The following DGKB variants were observed in gnomAD, a reference collection of about 807,000 sequenced individuals.
DGKB encodes the protein diacylglycerol kinase beta.
Under a neutral mutation model 114.3 loss-of-function variants are expected in DGKB, and 67 were observed. That is an observed-to-expected ratio of 0.59 (90% CI 0.48 to 0.72). The LOEUF (loss-of-function observed/expected upper bound fraction) is 0.72, where lower values mean the gene tolerates loss of function less well. DGKB is among the 30% of genes least tolerant of loss of function. DGKB has a pLI of 0.00. For missense variants in DGKB, 907 were observed against 975.2 expected (o/e 0.93, Z 0.93); for synonymous variants, 398 against 323.1 (o/e 1.23, Z -2.49).
At chr7:14,661,126 T>C (rs1247894784) in intron 13 of DGKB, among the ~76,000 whole-genome samples, 6 of 152,190 alleles carry the variant, frequency 3.9e-5, no homozygotes, top group Admixed American at 3.9e-4. Flanking sequence ...GGCTTTACCA[T>C]TCGGGACATA....
intron 1 of DGKB, among the ~76,000 whole-genome samples, chr7:14,856,792 G>A (rs1850214819): frequency 6.6e-6 from 1 of 152,014 alleles, no homozygotes. Context: ...ACATTATTAT[G>A]CATTGTATTA....
At position 14,583,053 on chromosome 7, in the gene DGKB, T is replaced by C; in HGVS notation, c.1518A>G (p.Ile506Met). Residue 506 changes from isoleucine (I) to methionine (M), a missense_variant and splice_region_variant, in exon 18 of 26, where the codon ATA becomes ATG. Physicochemically the swap from Ile to Met is conservative, Grantham distance 10 (BLOSUM62 1). Coordinates refer to ENST00000402815, the MANE Select transcript of DGKB (RefSeq NM_001350709.2). ...DGTVGWVLDC[I>M]EKANVGKHPP... ...ATATTAAGTATGTGTCTGCATTACC[T>C]ATGCAATCCAAAACCCAGCCCACGG... 6.2e-7 allele frequency: 1 copy of C among 1,602,372 alleles called. No homozygotes were observed.
intron 23 of DGKB, among the ~76,000 whole-genome samples, chr7:14,243,370 G>A (rs964402504): frequency 6.6e-6 from 1 of 152,134 alleles, no homozygotes; most frequent in African/African-American, 2.4e-5. Flanking sequence ...AAGACAGTGA[G>A]TAAGTGATAA....
intron 20 of DGKB, among the ~76,000 whole-genome samples, chr7:14,503,552 C>A (rs1786542520): frequency 6.6e-6 from 1 of 151,958 alleles, no homozygotes; most frequent in Admixed American, 6.6e-5. Flanking sequence ...AGATTCTTAT[C>A]TTTTTATGGA....
At chr7:14,922,600 A>T (rs1364608083) in intron 1 of DGKB, among the ~76,000 whole-genome samples, 1 of 152,084 alleles carries the variant, frequency 6.6e-6, no homozygotes, top group Non-Finnish European at 1.5e-5. Flanking sequence ...GCAGAAGCAT[A>T]TATACTTGCT....
At chr7:14,287,832 C>T (rs953392738) in intron 23 of DGKB, among the ~76,000 whole-genome samples, 2 of 152,128 alleles carry the variant, frequency 1.3e-5, no homozygotes, top group Non-Finnish European at 2.9e-5. Flanking sequence ...GACATTTTAA[C>T]AATTTTAATT....
chr7:14,655,145 CT>C (rs964430078), intron 13 of DGKB, among the ~76,000 whole-genome samples: 1 of 151,752 alleles, frequency 6.6e-6, no homozygotes, highest in African/African-American at 2.4e-5. Flanking sequence ...TGACAAGGGC[CT>C]TTTACCTAGA....
chr7:14,278,889 G>A (rs924365610), intron 23 of DGKB, among the ~76,000 whole-genome samples: 16 of 152,154 alleles, frequency 1.1e-4, no homozygotes, highest in African/African-American at 3.1e-4. Flanking sequence ...CAAGACGGCC[G>A]AATAGGAACA....
intron 1 of DGKB, among the ~76,000 whole-genome samples, chr7:14,951,632 A>G (rs1786205190): frequency 6.6e-6 from 1 of 152,034 alleles, no homozygotes; most frequent in South Asian, 2.1e-4. Context: ...TACAATATAG[A>G]GCAAATCCCA....
chr7:14,468,593 G>T (rs894328097), intron 21 of DGKB, among the ~76,000 whole-genome samples: 3 of 149,144 alleles, frequency 2.0e-5, no homozygotes, highest in African/African-American at 7.6e-5. Flanking sequence ...TATATATATT[G>T]TTGTCAGCTT....
intron 23 of DGKB, among the ~76,000 whole-genome samples, chr7:14,277,961 A>G (rs1359915694): frequency 6.6e-6 from 1 of 152,140 alleles, no homozygotes; most frequent in Non-Finnish European, 1.5e-5. Flanking sequence ...TATAAACACC[A>G]TTTTAACAGA....
At chr7:14,832,946 G>A (rs1278325031) in intron 2 of DGKB, among the ~76,000 whole-genome samples, 1 of 151,882 alleles carries the variant, frequency 6.6e-6, no homozygotes, top group East Asian at 1.9e-4. Flanking sequence ...TGAACTTAAG[G>A]TTCAATATGT....
chr7:14,753,870 G>T, intron 4 of DGKB, 58 bp downstream of exon 4: 1 of 1,033,528 alleles, frequency 9.7e-7, no homozygotes, highest in Non-Finnish European at 1.5e-6. Context: ...GAAATTCATA[G>T]ATCATATCAG....
chr7:14,884,815 G>T (rs752581778), intron 1 of DGKB, among the ~76,000 whole-genome samples: 6 of 151,946 alleles, frequency 3.9e-5, no homozygotes, highest in Non-Finnish European at 8.8e-5. Context: ...AAACAGAAAA[G>T]ATACTAAATA....
intron 21 of DGKB, among the ~76,000 whole-genome samples, chr7:14,471,844 T>C (rs563858245): frequency 6.6e-6 from 1 of 152,052 alleles, no homozygotes; most frequent in East Asian, 1.9e-4. Flanking sequence ...TAAATACCTA[T>C]TGAGTACACA....
intron 21 of DGKB, among the ~76,000 whole-genome samples, chr7:14,356,752 G>A (rs183502105): frequency 1.7e-3 from 252 of 152,114 alleles, no homozygotes; most frequent in African/African-American, 5.4e-3. Context: ...ATAAATTTCC[G>A]TCTACACACT....
At chr7:14,338,921 C>T (rs1811141375) in intron 22 of DGKB, among the ~76,000 whole-genome samples, 1 of 151,970 alleles carries the variant, frequency 6.6e-6, no homozygotes, top group African/African-American at 2.4e-5. Context: ...CTCTAGAAGT[C>T]CTTAAAAATG....
chr7:14,902,798 C>T (rs1783326830), upstream of DGKB: 1 of 152,296 alleles, frequency 6.6e-6, no homozygotes, highest in Non-Finnish European at 1.5e-5. Flanking sequence ...CCACTGCCAC[C>T]CCCTTCCAGA....
At chr7:14,692,331 T>C (rs980069647) in intron 9 of DGKB, among the ~76,000 whole-genome samples, 1 of 152,082 alleles carries the variant, frequency 6.6e-6, no homozygotes, top group Non-Finnish European at 1.5e-5. Flanking sequence ...AGAATTTACA[T>C]AGATGCTTAG....
Sources: gnomAD v4.1 joint callset for allele counts (sites outside exome capture counted in the v4.1 genomes callset) on GRCh38, gnomAD v4.1.1 for gene constraint, MANE v1.5 for transcripts, NCBI Gene and HGNC (gene_info 2026-07-23, HGNC 2026-07-21) for gene names.